PTPN13: variants seen among roughly 807,000 people sequenced by gnomAD.
PTPN13 encodes tyrosine-protein phosphatase non-receptor type 13.
In PTPN13, 191 loss-of-function variants were observed where a neutral mutation model predicts 284.0. The observed-to-expected ratio is 0.67, with a 90% confidence interval of 0.60 to 0.76. The LOEUF (loss-of-function observed/expected upper bound fraction) is 0.76, where lower values mean the gene tolerates loss of function less well. Ranked by LOEUF, PTPN13 falls within the 30% of genes least tolerant of loss-of-function variation. PTPN13 has a pLI of 0.00. For synonymous variants in PTPN13, 986 were observed against 1,022.3 expected, an observed-to-expected ratio of 0.96 and a Z score of 0.68; for missense variants, 2,797 against 2,939.9, an observed-to-expected ratio of 0.95 and a Z score of 1.12.
At chr4:86,634,151 A>G (rs1470453782) in intron 1 of PTPN13, among the ~76,000 whole-genome samples, 1 of 152,220 alleles carries the variant, frequency 6.6e-6, no homozygotes, top group Admixed American at 6.5e-5. Context: ...TTAGTTGAGT[A>G]AACAAAGTCA....
intron 10 of PTPN13, among the ~76,000 whole-genome samples, chr4:86,725,762 G>A (rs1734176145): frequency 6.7e-6 from 1 of 149,556 alleles, no homozygotes; most frequent in African/African-American, 2.4e-5. Context: ...CTCCCATTCT[G>A]TAGGTTGCCT....
At chr4:86,812,014 TTAG>T (rs1353745765) in intron 47 of PTPN13, among the ~76,000 whole-genome samples, 3 of 152,154 alleles carry the variant, frequency 2.0e-5, no homozygotes, top group Non-Finnish European at 2.9e-5. Flanking sequence ...TTACTTTGTA[TTAG>T]GAACTCTTCT....
intron 17 of PTPN13, 44 bp from the exon 18 acceptor site, chr4:86,750,426 A>C (rs1466291460): frequency 1.3e-6 from 2 of 1,484,898 alleles, no homozygotes; most frequent in African/African-American, 2.8e-5. Context: ...TCATAAAAGT[A>C]CTGTGGCGTT....
intron 3 of PTPN13, among the ~76,000 whole-genome samples, chr4:86,685,814 CAATA>C (rs1729389918): frequency 6.6e-6 from 1 of 152,104 alleles, no homozygotes; most frequent in African/African-American, 2.4e-5. Flanking sequence ...GGGAATCTGA[CAATA>C]TATATAAAAA....
intron 1 of PTPN13, among the ~76,000 whole-genome samples, chr4:86,611,256 C>T (rs999415775): frequency 1.3e-5 from 2 of 152,232 alleles, no homozygotes; most frequent in African/African-American, 4.8e-5. Flanking sequence ...TTCCCCATAG[C>T]ATTACAATTC....
At chr4:86,675,458 G>A (rs904512359) in intron 3 of PTPN13, among the ~76,000 whole-genome samples, 6 of 152,160 alleles carry the variant, frequency 3.9e-5, no homozygotes, top group Non-Finnish European at 7.4e-5. Flanking sequence ...TTACTTTCAT[G>A]AGTTAAGAAT....
chr4:86,720,012 T>C (rs761318697), intron 9 of PTPN13, among the ~76,000 whole-genome samples: 7 of 152,130 alleles, frequency 4.6e-5, no homozygotes, highest in Non-Finnish European at 8.8e-5. Flanking sequence ...CAGTGTTGAA[T>C]TGAGGGAGAA....
chr4:86,693,140 A>C (rs1243412750), intron 5 of PTPN13, among the ~76,000 whole-genome samples: 2 of 152,040 alleles, frequency 1.3e-5, no homozygotes, highest in Non-Finnish European at 2.9e-5. Context: ...AGATCTATAA[A>C]ATTATTTCTG....
At chr4:86,660,732 A>G (rs1187473309) in intron 2 of PTPN13, among the ~76,000 whole-genome samples, 1 of 152,182 alleles carries the variant, frequency 6.6e-6, no homozygotes, top group Non-Finnish European at 1.5e-5. Context: ...CATGCTTAAT[A>G]TGAATAATGT....
At chr4:86,812,449 CA>C (rs1407182470) in intron 47 of PTPN13, among the ~76,000 whole-genome samples, 1 of 151,434 alleles carries the variant, frequency 6.6e-6, no homozygotes, top group African/African-American at 2.4e-5. Context: ...ACATGTTAAA[CA>C]TGTAAATTAT....
At chr4:86,789,237 T>C (rs1742334796) in intron 40 of PTPN13, among the ~76,000 whole-genome samples, 2 of 152,208 alleles carry the variant, frequency 1.3e-5, no homozygotes. Flanking sequence ...TCAATATGCT[T>C]TCTAATTCTG....
intron 20 of PTPN13, 32 bp downstream of exon 20, chr4:86,753,097 C>G (rs759765202): frequency 6.5e-7 from 1 of 1,530,704 alleles, no homozygotes; most frequent in Non-Finnish European, 9.0e-7. Flanking sequence ...CCCCTCATTT[C>G]CATCATTTCT....
chr4:86,682,708 T>C (rs1729032662), intron 3 of PTPN13, among the ~76,000 whole-genome samples: 1 of 152,224 alleles, frequency 6.6e-6, no homozygotes, highest in South Asian at 2.1e-4. Context: ...ATGTCAGTGC[T>C]GCTATATTAA....
At chr4:86,771,076 A>T in intron 30 of PTPN13, 95 bp from the exon 31 acceptor site, 5 of 1,328,794 alleles carry the variant, frequency 3.8e-6, no homozygotes, top group Non-Finnish European at 5.0e-6. Flanking sequence ...TTCAATGCAT[A>T]CTTTAGTAGA....
rs140734394 is a variant in PTPN13 at position 86,726,733 on chromosome 4, A to G, written c.1608+4299A>G. Among the ~76,000 whole-genome samples the G allele has an allele frequency of 5.2e-3, 783 of 149,444 alleles. 20 individuals carry two copies. The highest frequency in any genetic ancestry group is 0.018 in the African/African-American group (749 of 41,038). ...CGGGGCTGAGACGATGGGGTTTTCT[A>G]AATATACAATTATGTCATCTGCAAA... On this transcript the variant is annotated intron_variant, in intron 10 of 47. Coordinates refer to ENST00000411767, the MANE Select transcript of PTPN13 (RefSeq NM_080683.3).
intron 20 of PTPN13, among the ~76,000 whole-genome samples, chr4:86,756,382 C>G (rs1315897865): frequency 6.6e-6 from 1 of 152,018 alleles, no homozygotes; most frequent in Non-Finnish European, 1.5e-5. Flanking sequence ...TACTTAAACT[C>G]ATTAAACTAG....
chr4:86,790,982 T>C (rs1379422389), intron 40 of PTPN13, among the ~76,000 whole-genome samples: 3 of 152,040 alleles, frequency 2.0e-5, no homozygotes, highest in Non-Finnish European at 1.5e-5. Context: ...TTCATCTCAA[T>C]GGGACTCGTT....
At chr4:86,720,486 G>C (rs545740035) in intron 9 of PTPN13, among the ~76,000 whole-genome samples, 1 of 152,210 alleles carries the variant, frequency 6.6e-6, no homozygotes, top group East Asian at 1.9e-4. Flanking sequence ...AATATTTCAG[G>C]AAGTAGATTG....
At chr4:86,624,536 A>G (rs1721615908) in intron 1 of PTPN13, among the ~76,000 whole-genome samples, 1 of 152,224 alleles carries the variant, frequency 6.6e-6, no homozygotes, top group African/African-American at 2.4e-5. Context: ...TGCTAAAATC[A>G]AGGATGAGCA....
Sources: allele counts gnomAD v4.1 joint callset (sites outside exome capture counted in the v4.1 genomes callset), GRCh38; gene constraint gnomAD v4.1.1; transcripts MANE v1.5; gene names NCBI Gene and HGNC (gene_info 2026-07-23, HGNC 2026-07-21).